GABRB2: variants seen among roughly 807,000 people sequenced by gnomAD.
GABRB2 encodes gamma-aminobutyric acid receptor subunit beta-2.
In GABRB2, 16 loss-of-function variants were observed where a neutral mutation model predicts 54.7. That is an observed-to-expected ratio of 0.29 (90% CI 0.20 to 0.44). The LOEUF (loss-of-function observed/expected upper bound fraction) is 0.44. GABRB2 is among the 20% of genes least tolerant of loss of function. The pLI is 1.00. For synonymous variants in GABRB2, 244 were observed against 233.8 expected, an observed-to-expected ratio of 1.04 and a Z score of -0.40; for missense variants, 355 against 644.0, an observed-to-expected ratio of 0.55 and a Z score of 4.86.
At chr5:161,391,955 T>C (rs1196531984) in intron 5 of GABRB2, among the ~76,000 whole-genome samples, 1 of 152,220 alleles carries the variant, frequency 6.6e-6, no homozygotes, top group Non-Finnish European at 1.5e-5. Context: ...CTAAGCCTTC[T>C]GCTGTCTGTG....
intron 3 of GABRB2, among the ~76,000 whole-genome samples, chr5:161,478,521 A>T (rs2113319048): frequency 6.6e-6 from 1 of 152,204 alleles, no homozygotes; most frequent in African/African-American, 2.4e-5. Context: ...ACATCAAAAC[A>T]AAATTATTTA....
chr5:161,324,290 C>T (rs1455815959), intron 9 of GABRB2, among the ~76,000 whole-genome samples: 1 of 152,004 alleles, frequency 6.6e-6, no homozygotes, highest in Admixed American at 6.6e-5. Context: ...TTTCACTATA[C>T]TTTGTGTAAT....
chr5:161,479,025 G>C (rs572032692), intron 3 of GABRB2, among the ~76,000 whole-genome samples: 2 of 152,100 alleles, frequency 1.3e-5, no homozygotes, highest in East Asian at 3.9e-4. Context: ...CAAGCTTGTA[G>C]AACCTGAGAG....
chr5:161,452,189 T>C (rs765006315), intron 4 of GABRB2, among the ~76,000 whole-genome samples: 1 of 152,204 alleles, frequency 6.6e-6, no homozygotes, highest in Non-Finnish European at 1.5e-5. Context: ...TCTTAATAAA[T>C]CAGGGTTTTC....
At chr5:161,448,942 A>G (rs1050024690) in intron 4 of GABRB2, among the ~76,000 whole-genome samples, 1 of 152,148 alleles carries the variant, frequency 6.6e-6, no homozygotes, top group Non-Finnish European at 1.5e-5. Context: ...CTTGTTTAAA[A>G]CTAATAGAGC....
chr5:161,352,211 C>A (rs935307049), intron 5 of GABRB2, among the ~76,000 whole-genome samples: 2 of 151,856 alleles, frequency 1.3e-5, no homozygotes, highest in African/African-American at 4.8e-5. Context: ...GGTATATATA[C>A]AAAGGAATTG....
At chr5:161,478,674 C>A (rs1192556343) in intron 3 of GABRB2, among the ~76,000 whole-genome samples, 2 of 151,940 alleles carry the variant, frequency 1.3e-5, no homozygotes, top group Non-Finnish European at 2.9e-5. Flanking sequence ...CCATGAATAT[C>A]TTTCATGGTT....
intron 5 of GABRB2, among the ~76,000 whole-genome samples, chr5:161,395,349 T>C (rs1321930574): frequency 6.6e-6 from 1 of 152,118 alleles, no homozygotes; most frequent in Non-Finnish European, 1.5e-5. Flanking sequence ...AGATAGTAAA[T>C]GATTAACAAA....
At chr5:161,325,043 T>C (rs945942113) in intron 9 of GABRB2, among the ~76,000 whole-genome samples, 3 of 152,094 alleles carry the variant, frequency 2.0e-5, no homozygotes, top group African/African-American at 7.2e-5. Flanking sequence ...TTTTACCCAG[T>C]CTTTACAATA....
chr5:161,474,328 G>T (rs575191494), intron 3 of GABRB2, among the ~76,000 whole-genome samples: 1 of 151,986 alleles, frequency 6.6e-6, no homozygotes, highest in South Asian at 2.1e-4. Flanking sequence ...GTTTTGCTCA[G>T]TTTCCCTCAG....
chr5:161,545,231 T>C lies in GABRB2; in HGVS notation c.233A>G (p.Asn78Ser). Residue 78 changes from asparagine (N) to serine (S), a missense_variant, in exon 3 of 10, where the codon AAT (asparagine) becomes AGT (serine). Coordinates refer to ENST00000393959, the MANE Select transcript of GABRB2 (RefSeq NM_001371727.1). ...IASIDMVSEV[N>S]MDYTLTMYFQ... is the part of the protein sequence containing the mutation. ...GTCATAAATGTCAATACTCACCATA[T>C]TGACTTCAGAAACCATATCGATGCT... 6.2e-7 allele frequency: 1 copy of C among 1,604,000 alleles called. No homozygotes were observed. Among genetic ancestry groups the C allele is most frequent in the Non-Finnish European group, 8.5e-7 (1 of 1,175,692 alleles).
chr5:161,442,304 GA>G (rs1465596380), intron 4 of GABRB2, among the ~76,000 whole-genome samples: 9 of 151,994 alleles, frequency 5.9e-5, no homozygotes, highest in Non-Finnish European at 8.8e-5. Flanking sequence ...ATGAATGAAT[GA>G]AAAAAATAAA....
At chr5:161,310,370 A>G (rs1404496157) in intron 9 of GABRB2, among the ~76,000 whole-genome samples, 1 of 152,266 alleles carries the variant, frequency 6.6e-6, no homozygotes, top group Non-Finnish European at 1.5e-5. Context: ...TTGTATAAAA[A>G]TAAATCTCCA....
chr5:161,412,654 C>T (rs182182295), intron 4 of GABRB2, among the ~76,000 whole-genome samples: 166 of 152,304 alleles, frequency 1.1e-3, no homozygotes, highest in Middle Eastern at 0.01. Context: ...TTCCTTCCTT[C>T]CCAGTATCAT....
chr5:161,537,064 T>C (rs181278324), intron 3 of GABRB2, among the ~76,000 whole-genome samples: 8 of 152,286 alleles, frequency 5.3e-5, no homozygotes. Context: ...AATTGATCAC[T>C]GTGGCATCTG....
chr5:161,421,097 C>T (rs1175433066), intron 4 of GABRB2, among the ~76,000 whole-genome samples: 1 of 152,176 alleles, frequency 6.6e-6, no homozygotes, highest in Admixed American at 6.5e-5. Flanking sequence ...ATATTTGTCA[C>T]CATCTGAAAC....
intron 5 of GABRB2, among the ~76,000 whole-genome samples, chr5:161,406,783 A>G (rs1339465359): frequency 6.6e-6 from 1 of 152,020 alleles, no homozygotes; most frequent in Non-Finnish European, 1.5e-5. Context: ...AGTGTGTAGG[A>G]CTTTTTTCTT....
At chr5:161,360,484 C>G (rs918641643) in intron 5 of GABRB2, among the ~76,000 whole-genome samples, 1 of 151,940 alleles carries the variant, frequency 6.6e-6, no homozygotes, top group Non-Finnish European at 1.5e-5. Flanking sequence ...TTCTCTTTTT[C>G]TCTCTCTCTC....
rs375811835 is a variant in GABRB2 at position 161,538,488 on chromosome 5, T to C, written c.237+6739A>G. ...CTTACAGAAAAGGAAAGACGTAAGCTAGGCATAAATACAGTAAGAATCTGA... is the reference window on the plus strand; with the variant it reads ...CTTACAGAAAAGGAAAGACGTAAGCCAGGCATAAATACAGTAAGAATCTGA... On this transcript the variant is annotated intron_variant, in intron 3 of 9. Transcript: ENST00000393959. Among the ~76,000 whole-genome samples, 5 of 152,336 alleles carry C rather than the reference T, an allele frequency of 3.3e-5. No homozygotes were observed. In the East Asian group the frequency reaches 9.7e-4, roughly 29 times the overall value.
Sources: allele counts gnomAD v4.1 joint callset (sites outside exome capture counted in the v4.1 genomes callset), GRCh38; gene constraint gnomAD v4.1.1; transcripts MANE v1.5; gene names NCBI Gene and HGNC (gene_info 2026-07-23, HGNC 2026-07-21).